Variants in TSPOAP1 observed in about 807,000 individuals in gnomAD.
TSPOAP1 encodes the protein peripheral-type benzodiazepine receptor-associated protein 1.
Under a neutral mutation model 197.0 loss-of-function variants are expected in TSPOAP1, and 87 were observed. The observed-to-expected ratio is 0.44, with a 90% CI of 0.37 to 0.53. The LOEUF (loss-of-function observed/expected upper bound fraction) is 0.53, where lower values mean the gene tolerates loss of function less well. Among genes scored for constraint, TSPOAP1 ranks in the 20% least tolerant of loss-of-function variants. TSPOAP1 has a pLI of 0.00. For missense variants in TSPOAP1, 2,174 were observed against 2,411.3 expected (o/e 0.90, Z 2.06); for synonymous variants, 913 against 998.9 (o/e 0.91, Z 1.62).
intron 22 of TSPOAP1, among the ~76,000 whole-genome samples, 199 bp downstream of exon 22, chr17:58,308,342 T>C (rs997545765): frequency 6.6e-6 from 1 of 152,338 alleles, no homozygotes; most frequent in East Asian, 1.9e-4. Flanking sequence ...TAGAATATTG[T>C]GCATCCCAGT....
In TSPOAP1 at chr17:58,302,442, C is replaced by G; in HGVS notation, c.*38G>C. The G allele has an allele frequency of 1.6e-6, 2 of 1,244,020 alleles. No individual in the cohort carries two copies. The highest frequency in any genetic ancestry group is 2.1e-6 in the Non-Finnish European group (2 of 970,474). The allele number at this position is 1,244,020 out of a possible 1,614,324, so 77.1% of individuals were successfully genotyped here. On this transcript the variant is annotated 3_prime_UTR_variant, in exon 32 of 32. Coordinates refer to ENST00000343736, the MANE Select transcript of TSPOAP1 (RefSeq NM_004758.4). ...CTGGGGACCCTTGTGTGGTGCAGCC[C>G]CAGTCCTGAAATGTGAGACAGAAGG...
In TSPOAP1 at chr17:58,325,671, A is replaced by G. The variant is rs1379440538; in HGVS notation, c.613T>C (p.Cys205Arg). The G allele has an allele frequency of 3.7e-6, 6 of 1,612,820 alleles. No homozygotes were observed. Among genetic ancestry groups the G allele is most frequent in the Non-Finnish European group, 5.1e-6 (6 of 1,179,920 alleles). Residue 205 changes from cysteine to arginine, a missense_variant, in exon 4 of 32, where the codon TGT becomes CGT. Around this residue, in one of 5 missense-constraint regions of TSPOAP1, gnomAD observed 1,933 missense variants for 2,139.0 expected, o/e 0.90. Coordinates refer to ENST00000343736, the MANE Select transcript of TSPOAP1 (RefSeq NM_004758.4). ...LPRPGTSLEL[C>R]RKALARQRAR... The stretch of plus-strand genomic sequence containing the variant: ...CGCTGGCGGGCTAGGGCCTTCCGAC[A>G]CAACTCCAAGCTGGTCCCCGGCCGG...
At chr17:58,307,045 C>G (rs1427405129) in intron 24 of TSPOAP1, 77 bp from the exon 25 acceptor site, 1 of 1,461,694 alleles carries the variant, frequency 6.8e-7, no homozygotes, top group Non-Finnish European at 9.3e-7. Flanking sequence ...AGCAACACCC[C>G]ACTTGGAAAT....
In TSPOAP1 at chr17:58,311,143, A is replaced by G. The variant is rs760489233; in HGVS notation, c.3152T>C (p.Val1051Ala). Residue 1051 changes from valine to alanine, a missense_variant, in exon 19 of 32, where the codon GTG (valine) becomes GCG (alanine). Around this residue, in one of 5 missense-constraint regions of TSPOAP1, gnomAD observed 1,933 missense variants for 2,139.0 expected, o/e 0.90. Transcript: ENST00000343736. ...VELSQLQLLQ[V>A]CREVVVRTMS... ...GGTGCGCACGACCACCTCACGACAC[A>G]CCTGCAGCAGCTGCAGCTGGGACAA... The G allele has an allele frequency of 1.2e-6, 2 of 1,609,768 alleles. No homozygotes were observed. The highest frequency in any genetic ancestry group is 1.7e-6 in the Non-Finnish European group (2 of 1,178,688).
Position 58,306,396 on chromosome 17 carries a change from A to G in TSPOAP1, c.5170T>C (p.Tyr1724His). 6.4e-7 allele frequency: 1 copy of G among 1,555,174 alleles called. No homozygotes were observed. The highest frequency in any genetic ancestry group is 1.9e-5 in the Admixed American group (1 of 51,588). The change falls in exon 26 of 32, where the codon TAC (tyrosine) becomes CAC (histidine). Residue 1724 changes from tyrosine to histidine, a missense_variant. Tyr to His is a moderately conservative substitution (Grantham distance 83, BLOSUM62 2). Coordinates refer to ENST00000343736, the MANE Select transcript of TSPOAP1 (RefSeq NM_004758.4). Reference protein sequence around the residue: ...LEGSGNGPFVYSTAHTTGPPP... With the variant: ...LEGSGNGPFVHSTAHTTGPPP... ...GGCCCAGTTGTGTGGGCTGTGGAGT[A>G]CACAAACGGACCATTCCCTGATCCA...
Position 58,312,292 on chromosome 17 carries a change from G to T in TSPOAP1, c.2529C>A (p.Ala843=), listed in dbSNP as rs754365405. 1.2e-6 allele frequency: 2 copies of T among 1,612,638 alleles called. No homozygotes were observed. The highest frequency in any genetic ancestry group is 2.7e-5 in the African/African-American group (2 of 74,916). Residue 843 remains alanine, a synonymous_variant, in exon 17 of 32, where the codon GCC becomes GCA. Transcript: ENST00000343736. ...QALGPGAPPK[A]VLENLDLWAG... ...CCCACAGGTCCAGGTTCTCCAGCAC[G>T]GCCTTGGGTGGCGCCCCAGGCCCCA...
rs1291059227 is a variant in TSPOAP1 at position 58,309,639 on chromosome 17, G to A, written c.3892-259C>T. 6.6e-6 allele frequency among the ~76,000 whole-genome samples: 1 copy of A among 152,182 alleles called. No homozygotes were observed. Among genetic ancestry groups the A allele is most frequent in the Non-Finnish European group, 1.5e-5 (1 of 68,030 alleles). ...CATCACCAGCCCCTGTGGGACAGGAGCATTGAGGAGCAGGCCTCCCCATCC... is the reference window on the plus strand; with the variant it reads ...CATCACCAGCCCCTGTGGGACAGGAACATTGAGGAGCAGGCCTCCCCATCC... On this transcript the variant is annotated intron_variant, in intron 21 of 31. Coordinates refer to ENST00000343736, the MANE Select transcript of TSPOAP1 (RefSeq NM_004758.4). This position sits in a 1 kb window ranked among gnomAD's most constrained non-coding sequence, Gnocchi z 5.0.
At chr17:58,315,694 C>T (rs1038286697) in intron 16 of TSPOAP1, among the ~76,000 whole-genome samples, 1 of 152,182 alleles carries the variant, frequency 6.6e-6, no homozygotes, top group Non-Finnish European at 1.5e-5. Context: ...TGAAACACTG[C>T]CACGCCCTGA....
At position 58,308,931 on chromosome 17, in the gene TSPOAP1, C is replaced by T; in HGVS notation, c.4341G>A (p.Arg1447=). ...CAATTACGGGGAGGCCACCCCTCTC[C>T]CGTGTGGGGCCCAGTCGTCCAGAGG... The part of the protein sequence containing the change: ...PQASGRLGPT[R]ERGGLPVIEG... The change falls in exon 22 of 32, where the codon CGG becomes CGA. Residue 1447 remains arginine (R), a synonymous_variant. Transcript: ENST00000343736. 6.2e-6 allele frequency: 10 copies of T among 1,600,392 alleles called. No individual in the cohort carries two copies. The highest frequency in any genetic ancestry group is 7.7e-6 in the Non-Finnish European group (9 of 1,173,544).
In TSPOAP1 at chr17:58,305,653, G is replaced by A. The variant is rs781423628; in HGVS notation, c.5258-10C>T. ...ACCAGCTTAGGGGGGCCTGCAGGGG[G>A]AGTAGGAGAAGACTCTGGACTCTCT... On this transcript the variant is annotated splice_polypyrimidine_tract_variant and intron_variant, in intron 27 of 31. Coordinates refer to ENST00000343736, the MANE Select transcript of TSPOAP1 (RefSeq NM_004758.4). The A allele has an allele frequency of 6.9e-7, 1 of 1,449,556 alleles. No individual in the cohort carries two copies. Among genetic ancestry groups the A allele is most frequent in the Non-Finnish European group, 9.4e-7 (1 of 1,064,428 alleles). The allele number at this position is 1,449,556 out of a possible 1,614,324, so 89.8% of individuals were successfully genotyped here.
intron 14 of TSPOAP1, among the ~76,000 whole-genome samples, chr17:58,317,472 G>A (rs920015014): frequency 8.5e-5 from 13 of 152,326 alleles, no homozygotes; most frequent in East Asian, 5.8e-4. Context: ...GGAACAGGCT[G>A]TCTTCTCTTC....
chr17:58,311,839 C>A, intron 17 of TSPOAP1, 53 bp downstream of exon 17: 1 of 1,492,036 alleles, frequency 6.7e-7, no homozygotes, highest in Middle Eastern at 2.5e-4. Flanking sequence ...TCTTCCGTCA[C>A]CCATGGCCTG....
chr17:58,319,413 C>T (rs1971334563), intron 12 of TSPOAP1, 119 bp from the exon 13 acceptor site: 2 of 1,156,062 alleles, frequency 1.7e-6, no homozygotes, highest in Non-Finnish European at 2.4e-6. Context: ...CAGCCCCAGG[C>T]CTGGGCACCA....
rs1261018842 is a variant in TSPOAP1, at chr17:58,322,171, T to A, written c.1422+137A>T. Reference sequence around the variant, plus strand: ...TCCTGGATGCTAATTTGCTGACTGCTCAGGGACCTGGTCTTTGTTCCCCAC... The same window carrying A: ...TCCTGGATGCTAATTTGCTGACTGCACAGGGACCTGGTCTTTGTTCCCCAC... On this transcript the variant is annotated intron_variant, in intron 10 of 31. Transcript: ENST00000343736. The surrounding 1 kb of genome is among the most constrained non-coding windows in gnomAD (Gnocchi z 5.0). 5 of 821,586 alleles carry A rather than the reference T, an allele frequency of 6.1e-6. No individual in the cohort carries two copies. The African/African-American group carries it at 8.5e-5, about 14-fold the overall frequency. The allele number at this position is 821,586 out of a possible 1,614,324, so 50.9% of individuals were successfully genotyped here. A position where few individuals can be genotyped will look rare whatever the true frequency, so the allele number is the denominator to read the frequency against.
chr17:58,315,576 T>C (rs1429017441), intron 16 of TSPOAP1, among the ~76,000 whole-genome samples: 1 of 152,214 alleles, frequency 6.6e-6, no homozygotes, highest in East Asian at 1.9e-4. Flanking sequence ...TGCTAACCGC[T>C]TGAGAACACC....
Position 58,326,206 on chromosome 17 carries a change from C to T in TSPOAP1, c.570+87G>A. 5 of 1,567,200 alleles carry T rather than the reference C, an allele frequency of 3.2e-6. No individual in the cohort carries two copies. In the Admixed American group the frequency reaches 9.2e-5, roughly 29 times the overall value. ...TAGGTGCTGAGCTGAGACCGTGACTCCCAAGCTTCAGACAGCCCTCAGGCC... is the reference window on the plus strand; with the variant it reads ...TAGGTGCTGAGCTGAGACCGTGACTTCCAAGCTTCAGACAGCCCTCAGGCC... On this transcript the variant is annotated intron_variant, in intron 3 of 31. Coordinates refer to ENST00000343736, the MANE Select transcript of TSPOAP1 (RefSeq NM_004758.4). This position sits in a 1 kb window ranked among gnomAD's most constrained non-coding sequence, Gnocchi z 4.7.
In TSPOAP1 at chr17:58,324,154, T is replaced by A. The variant is rs1276504635; in HGVS notation, c.943-609A>T. On this transcript the variant is annotated intron_variant, in intron 5 of 31. Transcript: ENST00000343736. The surrounding 1 kb of genome is among the most constrained non-coding windows in gnomAD (Gnocchi z 5.8). ...GGAGACAAAATCTGAGCAAGAAGCC[T>A]CCCCCCACCCGGAGGTCTTGGTCAC... Among the ~76,000 whole-genome samples, 2 of 151,944 alleles carry A rather than the reference T, an allele frequency of 1.3e-5. No homozygotes were observed. Among genetic ancestry groups the A allele is most frequent in the East Asian group, 3.9e-4 (2 of 5,182 alleles).
Position 58,312,387 on chromosome 17 carries a change from C to T in TSPOAP1, c.2434G>A (p.Glu812Lys), listed in dbSNP as rs766758424. The change falls in exon 17 of 32, where the codon GAG (glutamate) becomes AAG (lysine). Residue 812 changes from glutamate (E) to lysine (K), a missense_variant. Physicochemically the swap from Glu to Lys is moderately conservative, Grantham distance 56. This residue lies in a region of TSPOAP1 where 1,933 missense variants were observed against 2,139.0 expected (regional missense o/e 0.90). Transcript: ENST00000343736. ...QLAHSVVLAWEPPPEQVELHG... is the reference protein window; with the variant it reads ...QLAHSVVLAWKPPPEQVELHG... ...AGCTCCACTTGCTCAGGAGGCGGCT[C>T]CCAGGCCAGCACCACGCTGTGGGCC... The T allele has an allele frequency of 6.2e-6, 10 of 1,612,152 alleles. No homozygotes were observed. In the East Asian group the frequency reaches 2.2e-4, roughly 36 times the overall value.
rs888069651 is a variant in TSPOAP1, at chr17:58,302,256, T to C, written c.*224A>G. The C allele has an allele frequency of 3.1e-6, 4 of 1,289,278 alleles. No homozygotes were observed. The highest frequency in any genetic ancestry group is 4.0e-6 in the Non-Finnish European group (4 of 988,684). 79.9% of individuals were successfully genotyped at this position (1,289,278 alleles called of 1,614,324 possible). On this transcript the variant is annotated 3_prime_UTR_variant, in exon 32 of 32. Coordinates refer to ENST00000343736, the MANE Select transcript of TSPOAP1 (RefSeq NM_004758.4). ...CTCAGGGCCTCTTCTGCCTGCAGGA[T>C]GGGCCACAGCTTCACTCCTTCTTCC... is the stretch of plus-strand genomic sequence containing the variant.
Sources: allele counts gnomAD v4.1 joint callset (sites outside exome capture counted in the v4.1 genomes callset), GRCh38; gene constraint gnomAD v4.1.1; regional missense constraint gnomAD v4.1.1; non-coding constraint Gnocchi (gnomAD v3.1); transcripts MANE v1.5; gene names NCBI Gene and HGNC (gene_info 2026-07-23, HGNC 2026-07-21).